The following POLN variants were observed in gnomAD, a reference collection of about 807,000 sequenced individuals.
POLN encodes the protein DNA polymerase nu.
A neutral mutation model predicts 113.5 loss-of-function variants in POLN; 108 were observed. The observed-to-expected ratio is 0.95, with a 90% confidence interval of 0.81 to 1.12. The LOEUF is 1.12. POLN is among the 50% of genes most tolerant of loss of function. POLN has a pLI of 0.00. For synonymous variants in POLN, 386 were observed against 391.5 expected, an observed-to-expected ratio of 0.99 and a Z score of 0.17; for missense variants, 1,097 against 1,077.1, an observed-to-expected ratio of 1.02 and a Z score of -0.26.
intron 20 of POLN, chr4:2,089,769 T>C: frequency 1.4e-6 from 1 of 729,064 alleles, no homozygotes; most frequent in African/African-American, 1.8e-5. Context: ...TTAAATCTGG[T>C]ATTTCTTTGA....
At chr4:2,132,491 T>C (rs1472038795) in intron 16 of POLN, among the ~76,000 whole-genome samples, 2 of 152,206 alleles carry the variant, frequency 1.3e-5, no homozygotes, top group Non-Finnish European at 2.9e-5. Flanking sequence ...TTTGAGAAGC[T>C]GAACAACCCT....
At position 2,115,233 on chromosome 4, in the gene POLN, T is replaced by A. The variant is rs1469048240; in HGVS notation, c.1982+12880A>T. On this transcript the variant is annotated intron_variant, in intron 19 of 25. Coordinates refer to ENST00000511885, the MANE Select transcript of POLN (RefSeq NM_181808.4). ...CTATATATATATATATATATATTTT[T>A]TTTTTTGTAGTTTTAGTAGAGATGG... Among the ~76,000 whole-genome samples, 3 of 147,600 alleles carry A rather than the reference T, an allele frequency of 2.0e-5. 1 individual carries two copies. The highest frequency in any genetic ancestry group is 7.4e-5 in the African/African-American group (3 of 40,662).
chr4:2,241,160 G>C, intron 2 of POLN: 1 of 473,364 alleles, frequency 2.1e-6, no homozygotes, highest in Non-Finnish European at 3.7e-6. Context: ...AGAAGACACA[G>C]ACAAATATCA....
intron 19 of POLN, among the ~76,000 whole-genome samples, chr4:2,106,918 C>T (rs1731079560): frequency 6.6e-6 from 1 of 152,046 alleles, no homozygotes; most frequent in Non-Finnish European, 1.5e-5. Context: ...TGTCTAGTTA[C>T]TAAAAAAACC....
intron 2 of POLN, chr4:2,232,043 G>GT: frequency 6.5e-7 from 1 of 1,534,840 alleles, no homozygotes; most frequent in Non-Finnish European, 9.0e-7. Context: ...TCCATTTGAT[G>GT]TAATTTATTA....
At chr4:2,145,725 A>G (rs1732121606) in intron 16 of POLN, among the ~76,000 whole-genome samples, 1 of 152,184 alleles carries the variant, frequency 6.6e-6, no homozygotes. Context: ...ACTCATTTGG[A>G]GGGTGTTTAG....
At position 2,089,914 on chromosome 4, in the gene POLN, C is replaced by T. The variant is rs922831394; in HGVS notation, c.2066-4170G>A. 10 of 991,842 alleles carry T rather than the reference C, an allele frequency of 1.0e-5. No homozygotes were observed. In the Admixed American group the frequency reaches 1.6e-4, roughly 16 times the overall value. 61.4% of individuals were successfully genotyped at this position (991,842 alleles called of 1,614,324 possible). A position where few individuals can be genotyped will look rare whatever the true frequency, so the allele number is the denominator to read the frequency against. ...TGATGGCTGACTTTCACAGGAATCT[C>T]TTGACATATCAGGAATTAAGTTAGC... On this transcript the variant is annotated intron_variant, in intron 20 of 25. Transcript: ENST00000511885.
chr4:2,073,122 C>T, intron 24 of POLN, 93 bp from the exon 25 acceptor site: 1 of 1,265,882 alleles, frequency 7.9e-7, no homozygotes, highest in Non-Finnish European at 1.1e-6. Context: ...CGAGTCCTGC[C>T]CCGGCCCCTG....
At chr4:2,211,417 T>C (rs1160408243) in intron 4 of POLN, among the ~76,000 whole-genome samples, 1 of 152,066 alleles carries the variant, frequency 6.6e-6, no homozygotes, top group East Asian at 1.9e-4. Flanking sequence ...TCATGTACTT[T>C]GCAATTTTTT....
At chr4:2,184,992 T>C (rs953403028) in intron 7 of POLN, among the ~76,000 whole-genome samples, 10 of 152,358 alleles carry the variant, frequency 6.6e-5, no homozygotes, top group African/African-American at 2.4e-4. Flanking sequence ...TCTTGGCTTT[T>C]CTATATGAAG....
chr4:2,091,787 G>GTA (rs1452774919), intron 20 of POLN, among the ~76,000 whole-genome samples: 5 of 126,048 alleles, frequency 4.0e-5, no homozygotes, highest in South Asian at 6.1e-4. Flanking sequence ...GTGTGTGTGT[G>GTA]TGTGTGTGTG....
At position 2,176,731 on chromosome 4, in the gene POLN, C is replaced by T. The variant is rs560961093; in HGVS notation, c.1180-397G>A. ...TCTCAGCCTTACCACCTTGCACCCA[C>T]GCACAGCTGCTGCCACGTTCCACAC... On this transcript the variant is annotated intron_variant, in intron 8 of 25. Transcript: ENST00000511885. 1.4e-4 allele frequency among the ~76,000 whole-genome samples: 22 copies of T among 152,236 alleles called. No individual in the cohort carries two copies. In the East Asian group the frequency reaches 2.9e-3, roughly 20 times the overall value.
At chr4:2,197,969 A>C (rs1180816935) in intron 6 of POLN, among the ~76,000 whole-genome samples, 1 of 152,210 alleles carries the variant, frequency 6.6e-6, no homozygotes, top group Non-Finnish European at 1.5e-5. Context: ...TCCATCCCAG[A>C]AAGGGCTTTT....
At chr4:2,138,925 G>A (rs1299207400) in intron 16 of POLN, among the ~76,000 whole-genome samples, 2 of 151,630 alleles carry the variant, frequency 1.3e-5, no homozygotes, top group Admixed American at 1.3e-4. Context: ...AAAGAAAAAG[G>A]TGAAATCACT....
At position 2,130,266 on chromosome 4, in the gene POLN, A is replaced by AGAGGAGAGGG. The variant is rs1279034389; in HGVS notation, c.1789+957_1789+966dup. On this transcript the variant is annotated intron_variant, in intron 17 of 25. Coordinates refer to ENST00000511885, the MANE Select transcript of POLN (RefSeq NM_181808.4). ...GTCTCAAAAAAGAAAACAGAAGAGG[A>AGAGGAGAGGG]GAGGAGAGGGGAGGAGAGGGGAGGA... is the stretch of plus-strand genomic sequence containing the variant. 1.1e-3 allele frequency among the ~76,000 whole-genome samples: 131 copies of AGAGGAGAGGG among 121,648 alleles called. 1 individual carries two copies. The highest frequency in any genetic ancestry group is 8.8e-3 in the Admixed American group (94 of 10,626). 79.8% of individuals were successfully genotyped at this position (121,648 alleles called of 152,430 possible).
chr4:2,095,050 A>G (rs1730751494), intron 20 of POLN, among the ~76,000 whole-genome samples: 1 of 152,180 alleles, frequency 6.6e-6, no homozygotes, highest in African/African-American at 2.4e-5. Flanking sequence ...AAACTAGGCC[A>G]TGCTGATTCA....
Position 2,085,730 on chromosome 4 carries a change from C to T in POLN, c.2080G>A (p.Ala694Thr). 1 of 1,613,802 alleles carries T rather than the reference C, an allele frequency of 6.2e-7. No individual in the cohort carries two copies. The highest frequency in any genetic ancestry group is 8.5e-7 in the Non-Finnish European group (1 of 1,180,028). Reference protein sequence around the residue: ...VVYGAGKERLAACLGVPIQEA... With the variant: ...VVYGAGKERLTACLGVPIQEA... ...TGAATAGGAACTCCAAGGCAAGCAG[C>T]CAGCCGCTCCTTCCCTGTCAGTCAG... The change falls in exon 21 of 26, where the codon GCT becomes ACT. Residue 694 changes from alanine to threonine, a missense_variant. Physicochemically the swap from Ala to Thr is moderately conservative, Grantham distance 58 (BLOSUM62 0). Transcript: ENST00000511885.
chr4:2,089,074 A>G (rs1730610665), intron 20 of POLN: 7 of 868,856 alleles, frequency 8.1e-6, no homozygotes, highest in Non-Finnish European at 1.3e-5. Flanking sequence ...GTGATGAAGG[A>G]GCAATGGATT....
At position 2,229,181 on chromosome 4, in the gene POLN, G is replaced by A. The variant is rs766829456; in HGVS notation, c.51C>T (p.Leu17=). 1.7e-5 allele frequency: 27 copies of A among 1,610,758 alleles called. No individual in the cohort carries two copies. The highest frequency in any genetic ancestry group is 2.1e-5 in the Non-Finnish European group (25 of 1,177,132). The stretch of plus-strand genomic sequence containing the variant: ...ACATAATCTTCTGAGCAACACTGGA[G>A]AGCGGTGTATTACAGAGATCAAAGC... The part of the protein sequence containing the change: ...LVGFDLCNTP[L]SSVAQKIMSA... Residue 17 remains leucine, a synonymous_variant, in exon 3 of 26, where the codon CTC becomes CTT. Transcript: ENST00000511885.
Sources: gnomAD v4.1 joint callset for allele counts (sites outside exome capture counted in the v4.1 genomes callset) on GRCh38, gnomAD v4.1.1 for gene constraint, MANE v1.5 for transcripts, NCBI Gene and HGNC (gene_info 2026-07-23, HGNC 2026-07-21) for gene names.